The following NRF1 variants were observed in gnomAD, a reference collection of about 807,000 sequenced individuals.
NRF1 encodes the protein nuclear respiratory factor 1.
In NRF1, 5 loss-of-function variants were observed where a neutral mutation model predicts 58.5. The observed-to-expected ratio is 0.09, with a 90% CI of 0.04 to 0.18. NRF1 has a LOEUF of 0.18. NRF1 is among the 10% of genes least tolerant of loss of function. The probability of loss-of-function intolerance (pLI) is 1.00; values close to 1 mark genes in which losing one functional copy is unlikely to be tolerated. For synonymous variants in NRF1, 224 were observed against 246.7 expected, an observed-to-expected ratio of 0.91 and a Z score of 0.86; for missense variants, 288 against 657.7, an observed-to-expected ratio of 0.44 and a Z score of 6.15.
intron 1 of NRF1, among the ~76,000 whole-genome samples, chr7:129,648,276 T>C (rs1801455892): frequency 1.7e-5 from 1 of 58,350 alleles, no homozygotes; most frequent in African/African-American, 1.3e-4. Context: ...ATTATTGACT[T>C]TTTTTTTTTT....
chr7:129,613,820 C>G (rs919170202), intron 1 of NRF1, among the ~76,000 whole-genome samples: 3 of 151,852 alleles, frequency 2.0e-5, no homozygotes, highest in Non-Finnish European at 4.4e-5. Context: ...GCTGCCGAGG[C>G]AAGAGAATCG....
chr7:129,629,280 T>C (rs1174868791), intron 1 of NRF1, among the ~76,000 whole-genome samples: 1 of 151,514 alleles, frequency 6.6e-6, no homozygotes, highest in Non-Finnish European at 1.5e-5. Flanking sequence ...ACACACGCTT[T>C]TTTTTTTTTT....
intron 2 of NRF1, among the ~76,000 whole-genome samples, chr7:129,669,245 C>A (rs769038827): frequency 6.6e-6 from 1 of 152,106 alleles, no homozygotes; most frequent in Non-Finnish European, 1.5e-5. Context: ...CTGCGCCTGG[C>A]CAGATCTTGA....
intron 9 of NRF1, among the ~76,000 whole-genome samples, chr7:129,723,209 C>T (rs1277946187): frequency 2.6e-5 from 4 of 151,930 alleles, no homozygotes; most frequent in East Asian, 1.9e-4. Flanking sequence ...TTTGGGAGGC[C>T]GAGGCGGGTG....
intron 4 of NRF1, among the ~76,000 whole-genome samples, chr7:129,678,297 T>C (rs1372930106): frequency 6.6e-6 from 1 of 152,244 alleles, no homozygotes; most frequent in Non-Finnish European, 1.5e-5. Context: ...CCCTGCATAC[T>C]TATACAATAG....
chr7:129,619,393 C>CGTGT (rs56014058), intron 1 of NRF1, among the ~76,000 whole-genome samples: 1 of 42,186 alleles, frequency 2.4e-5, no homozygotes, highest in African/African-American at 9.3e-5. Context: ...ACTTGGCATA[C>CGTGT]GTGTATATAT....
Position 129,661,936 on chromosome 7 carries a change from A to G in NRF1, c.223+4362A>G, listed in dbSNP as rs181177625. Among the ~76,000 whole-genome samples the G allele has an allele frequency of 1.1e-4, 17 of 150,840 alleles. 1 individual carries two copies. The highest frequency in any genetic ancestry group is 1.7e-4 in the African/African-American group (7 of 40,138). On this transcript the variant is annotated intron_variant, in intron 2 of 10. Transcript: ENST00000393232. ...GAGGTTTCGGTGGACTTACAGATCTATGTGGCTGGGGAGGCCTCACAACCA... is the reference window on the plus strand; with the variant it reads ...GAGGTTTCGGTGGACTTACAGATCTGTGTGGCTGGGGAGGCCTCACAACCA...
Position 129,756,092 on chromosome 7 carries a change from GCT to G in NRF1, c.*912_*913del. On this transcript the variant is annotated 3_prime_UTR_variant, in exon 11 of 11. Coordinates refer to ENST00000393232, the MANE Select transcript of NRF1 (RefSeq NM_005011.5). ...TTGAGGAGTGCGTGCGTGTAAGTGT[GCT>G]TGTGTGTGTGCGTGCATGGTGGGGG... The G allele has an allele frequency of 6.5e-6, 1 of 153,008 alleles. No individual in the cohort carries two copies. The allele number at this position is 153,008 out of a possible 1,614,324, so 9.5% of individuals were successfully genotyped here. A position where few individuals can be genotyped will look rare whatever the true frequency, so the allele number is the denominator to read the frequency against.
chr7:129,666,889 A>G lies in NRF1; in HGVS notation c.224-4540A>G, dbSNP rs187349466. Among the ~76,000 whole-genome samples, 259 of 152,310 alleles carry G rather than the reference A, an allele frequency of 1.7e-3. 1 individual carries two copies. The highest frequency in any genetic ancestry group is 0.01 in the Middle Eastern group (3 of 294). On this transcript the variant is annotated intron_variant, in intron 2 of 10. Transcript: ENST00000393232. ...GTTTGTAATTTTTTCTGTTTTGACAATGTAGCACAGTAATACATTTTACAT... is the reference window on the plus strand; with the variant it reads ...GTTTGTAATTTTTTCTGTTTTGACAGTGTAGCACAGTAATACATTTTACAT...
intron 10 of NRF1, among the ~76,000 whole-genome samples, chr7:129,739,053 T>C (rs1001475682): frequency 6.6e-6 from 1 of 152,246 alleles, no homozygotes; most frequent in Admixed American, 6.5e-5. Context: ...TTACTCACTT[T>C]AGAAGTCAAA....
intron 1 of NRF1, among the ~76,000 whole-genome samples, chr7:129,625,675 A>AT (rs56694598): frequency 0.72 from 63,828 of 89,178 alleles, 22,389 homozygotes; most frequent in East Asian, 0.79. Context: ...TAATGTTTTA[A>AT]TTTTTTTTTT....
intron 1 of NRF1, among the ~76,000 whole-genome samples, chr7:129,629,277 C>CT (rs35383948): frequency 0.14 from 19,815 of 142,322 alleles, 1,585 homozygotes; most frequent in Admixed American, 0.24. Flanking sequence ...AGCACACACG[C>CT]TTTTTTTTTT....
intron 1 of NRF1, among the ~76,000 whole-genome samples, chr7:129,619,489 T>TATATATATA (rs1800741221): frequency 5.0e-5 from 1 of 20,144 alleles, no homozygotes; most frequent in East Asian, 3.1e-3. Context: ...TGTGTGTGTG[T>TATATATATA]GTATATATAT....
rs1271593762 is a variant in NRF1 at position 129,619,484 on chromosome 7, G to GTATA, written c.-7+7661_-7+7662insATAT. On this transcript the variant is annotated intron_variant, in intron 1 of 10. Coordinates refer to ENST00000393232, the MANE Select transcript of NRF1 (RefSeq NM_005011.5). ...CGTGTGTGTGTGTGTGTGTGTGTGT[G>GTATA]TGTGTGTATATATATATATATATAT... Among the ~76,000 whole-genome samples the GTATA allele has an allele frequency of 8.3e-4, 57 of 68,482 alleles. 1 individual carries two copies. The highest frequency in any genetic ancestry group is 3.4e-3 in the East Asian group (3 of 888). The allele number at this position is 68,482 out of a possible 152,430, so 44.9% of individuals were successfully genotyped here.
At chr7:129,704,802 A>G (rs1326474589) in intron 5 of NRF1, among the ~76,000 whole-genome samples, 2 of 152,236 alleles carry the variant, frequency 1.3e-5, no homozygotes, top group Non-Finnish European at 1.5e-5. Flanking sequence ...CACATGTGAC[A>G]CTTGAAACAT....
chr7:129,688,009 T>G (rs991998898), intron 4 of NRF1, among the ~76,000 whole-genome samples: 4 of 152,238 alleles, frequency 2.6e-5, no homozygotes, highest in Non-Finnish European at 5.9e-5. Context: ...ATAGCACTGA[T>G]AAGCTGACTC....
intron 5 of NRF1, among the ~76,000 whole-genome samples, chr7:129,698,989 A>G (rs995828648): frequency 2.0e-5 from 3 of 152,228 alleles, no homozygotes; most frequent in African/African-American, 7.2e-5. Flanking sequence ...TAGAAGAATC[A>G]TCACTGGAAA....
At chr7:129,619,433 T>TATATATACACACACACACAC (rs1554401492) in intron 1 of NRF1, among the ~76,000 whole-genome samples, 1 of 65,874 alleles carries the variant, frequency 1.5e-5, no homozygotes, top group African/African-American at 8.2e-5. Flanking sequence ...TATATATATA[T>TATATATACACACACACACAC]ACACACACAC....
intron 2 of NRF1, among the ~76,000 whole-genome samples, chr7:129,659,494 A>T (rs1801734915): frequency 6.6e-6 from 1 of 152,150 alleles, no homozygotes; most frequent in South Asian, 2.1e-4. Context: ...TTTAACATGG[A>T]TCTGCTAGTA....
Sources: gnomAD v4.1 joint callset for allele counts (sites outside exome capture counted in the v4.1 genomes callset) on GRCh38, gnomAD v4.1.1 for gene constraint, MANE v1.5 for transcripts, NCBI Gene and HGNC (gene_info 2026-07-23, HGNC 2026-07-21) for gene names.